DENND1A: variants seen among roughly 807,000 people sequenced by gnomAD.
The protein encoded by DENND1A is DENN domain-containing protein 1A.
Under a neutral mutation model 113.7 loss-of-function variants are expected in DENND1A, and 51 were observed. The observed-to-expected ratio is 0.45, with a 90% CI of 0.36 to 0.57. The LOEUF is 0.57. Among genes scored for constraint, DENND1A ranks in the 20% least tolerant of loss-of-function variants. The pLI is 0.00. For synonymous variants in DENND1A, 565 were observed against 570.8 expected, an observed-to-expected ratio of 0.99 and a Z score of 0.14; for missense variants, 1,258 against 1,395.9, an observed-to-expected ratio of 0.90 and a Z score of 1.57.
intron 10 of DENND1A, among the ~76,000 whole-genome samples, chr9:123,619,143 C>CACCATGTTAGCCAAGCTGGTCTT (rs1362580632): frequency 6.6e-6 from 1 of 152,118 alleles, no homozygotes; most frequent in Admixed American, 6.5e-5. Context: ...GACGGGGTCT[C>CACCATGTTAGCCAAGCTGGTCTT]ACCATGTTAG....
chr9:123,594,751 C>T (rs1192356760), intron 11 of DENND1A, among the ~76,000 whole-genome samples: 1 of 152,112 alleles, frequency 6.6e-6, no homozygotes, highest in Non-Finnish European at 1.5e-5. Flanking sequence ...ATCTGGGTTC[C>T]ATGAGCCAGT....
intron 20 of DENND1A, 65 bp downstream of exon 20, chr9:123,411,711 G>A: frequency 1.0e-6 from 1 of 976,300 alleles, no homozygotes; most frequent in African/African-American, 1.7e-5. Flanking sequence ...TGGAGGTTTA[G>A]TCAGGCTGAG....
intron 2 of DENND1A, among the ~76,000 whole-genome samples, chr9:123,810,256 C>T (rs1206005481): frequency 6.6e-6 from 1 of 152,046 alleles, no homozygotes; most frequent in African/African-American, 2.4e-5. Context: ...TCTTTCATGT[C>T]GCAAGGCAAC....
chr9:123,481,438 G>A (rs893114810), intron 13 of DENND1A, among the ~76,000 whole-genome samples: 1 of 152,196 alleles, frequency 6.6e-6, no homozygotes, highest in Non-Finnish European at 1.5e-5. Flanking sequence ...ATTTACAGAC[G>A]GCCCTCCTGT....
chr9:123,499,890 C>T (rs2052316623), intron 13 of DENND1A, among the ~76,000 whole-genome samples: 2 of 152,344 alleles, frequency 1.3e-5, no homozygotes, highest in South Asian at 4.1e-4. Flanking sequence ...GGATCTGGTC[C>T]TCTCCTCTCT....
chr9:123,625,918 GTCTCATTCTGTCAC>G lies in DENND1A; in HGVS notation c.719+4444_719+4457del, dbSNP rs2061189614. On this transcript the variant is annotated intron_variant, in intron 10 of 23. Transcript: ENST00000394215. ...CTTCCAGGGGGAACCGTGCGACAGGGTCTCATTCTGTCACCCAGACTGGAGGGCAGTGGCTCAAT... is the reference window on the plus strand; with the variant it reads ...CTTCCAGGGGGAACCGTGCGACAGGGCCAGACTGGAGGGCAGTGGCTCAAT... Among the ~76,000 whole-genome samples the G allele has an allele frequency of 2.0e-5, 3 of 152,266 alleles. No individual in the cohort carries two copies. In the South Asian group the frequency reaches 6.2e-4, roughly 32 times the overall value.
chr9:123,914,079 G>C (rs1049505160), intron 1 of DENND1A, among the ~76,000 whole-genome samples: 1 of 151,796 alleles, frequency 6.6e-6, no homozygotes, highest in Non-Finnish European at 1.5e-5. Flanking sequence ...TTTTAAGCGG[G>C]TAGAACCTTA....
intron 13 of DENND1A, among the ~76,000 whole-genome samples, chr9:123,537,994 CTG>C (rs1238515191): frequency 6.6e-6 from 1 of 152,200 alleles, no homozygotes; most frequent in African/African-American, 2.4e-5. Context: ...CCCCTGAAGA[CTG>C]AGAGGGAGAC....
At chr9:123,436,547 T>G (rs2046532962) in intron 19 of DENND1A, among the ~76,000 whole-genome samples, 1 of 152,196 alleles carries the variant, frequency 6.6e-6, no homozygotes, top group Non-Finnish European at 1.5e-5. Context: ...AACAGTAATT[T>G]AAAGCCTCTC....
intron 1 of DENND1A, among the ~76,000 whole-genome samples, chr9:123,929,146 A>G (rs1351825296): frequency 1.3e-5 from 2 of 152,232 alleles, no homozygotes; most frequent in Admixed American, 6.5e-5. Context: ...ACAATGTTTC[A>G]GTGGATTCTG....
intron 2 of DENND1A, among the ~76,000 whole-genome samples, chr9:123,855,577 G>A (rs900750155): frequency 3.9e-5 from 6 of 152,198 alleles, no homozygotes; most frequent in Admixed American, 2.0e-4. Flanking sequence ...GCCAAGTGAT[G>A]AGGAGCCTTC....
chr9:123,498,273 A>T (rs2052129114), intron 13 of DENND1A, among the ~76,000 whole-genome samples: 1 of 152,252 alleles, frequency 6.6e-6, no homozygotes, highest in Non-Finnish European at 1.5e-5. Flanking sequence ...TTTAGTCTTT[A>T]AGACCATCCC....
chr9:123,744,178 A>G (rs1350894048), intron 5 of DENND1A, among the ~76,000 whole-genome samples: 1 of 152,216 alleles, frequency 6.6e-6, no homozygotes, highest in Admixed American at 6.5e-5. Flanking sequence ...TGATAACATT[A>G]CTTAACTATT....
intron 5 of DENND1A, among the ~76,000 whole-genome samples, chr9:123,711,349 C>T (rs1248828985): frequency 6.6e-6 from 1 of 151,422 alleles, no homozygotes; most frequent in Non-Finnish European, 1.5e-5. Flanking sequence ...CCTATAATCA[C>T]AGCTACTCAG....
intron 11 of DENND1A, among the ~76,000 whole-genome samples, chr9:123,608,531 T>C (rs2060271892): frequency 6.6e-6 from 1 of 152,138 alleles, no homozygotes; most frequent in South Asian, 2.1e-4. Context: ...AGGAAAGGGC[T>C]TAGGGTACAT....
intron 2 of DENND1A, among the ~76,000 whole-genome samples, chr9:123,829,159 G>T (rs1803596263): frequency 6.6e-6 from 1 of 152,112 alleles, no homozygotes; most frequent in South Asian, 2.1e-4. Context: ...CAATAAATGA[G>T]TGTTAATGTA....
intron 21 of DENND1A, chr9:123,401,813 A>T (rs959457376): frequency 6.2e-7 from 1 of 1,614,094 alleles, no homozygotes; most frequent in Non-Finnish European, 8.5e-7. Flanking sequence ...GCGTAAGTCA[A>T]TGTGATGAAG....
intron 13 of DENND1A, among the ~76,000 whole-genome samples, chr9:123,509,460 C>T (rs1477876888): frequency 6.6e-6 from 1 of 152,200 alleles, no homozygotes; most frequent in Non-Finnish European, 1.5e-5. Context: ...TTAGGGGTCA[C>T]GTAGCATAGC....
chr9:123,854,915 A>G (rs1843928766), intron 2 of DENND1A, among the ~76,000 whole-genome samples: 3 of 150,920 alleles, frequency 2.0e-5, no homozygotes, highest in Non-Finnish European at 4.4e-5. Flanking sequence ...AGGGAAATAG[A>G]AGATAATGAA....
Sources: gnomAD v4.1 joint callset for allele counts (sites outside exome capture counted in the v4.1 genomes callset) on GRCh38, gnomAD v4.1.1 for gene constraint, MANE v1.5 for transcripts, NCBI Gene and HGNC (gene_info 2026-07-23, HGNC 2026-07-21) for gene names.